FANCC: variants seen among roughly 807,000 people sequenced by gnomAD.
FANCC encodes the protein Fanconi anemia group C protein.
Under a neutral mutation model 71.3 loss-of-function variants are expected in FANCC, and 55 were observed. That is an observed-to-expected ratio of 0.77 (90% CI 0.62 to 0.97). FANCC has a LOEUF of 0.97. FANCC is among the 50% of genes least tolerant of loss of function. FANCC has a pLI of 0.00. For missense variants in FANCC, 678 were observed against 670.9 expected, an observed-to-expected ratio of 1.01 and a Z score of -0.12; for synonymous variants, 275 against 244.9, an observed-to-expected ratio of 1.12 and a Z score of -1.15.
intron 6 of FANCC, among the ~76,000 whole-genome samples, chr9:95,166,693 A>T (rs1831088256): frequency 6.6e-6 from 1 of 152,152 alleles, no homozygotes; most frequent in Non-Finnish European, 1.5e-5. Flanking sequence ...TCAAAAATAT[A>T]GTATTTGCAG....
In FANCC at chr9:95,258,499, C is replaced by A. The variant is rs138670263; in HGVS notation, c.-78-9130G>T. The stretch of plus-strand genomic sequence containing the variant: ...CGATAAAATGCAACATCCCTTCATG[C>A]TAAAAACTCTCAATAAACTAGGTAT... On this transcript the variant is annotated intron_variant, in intron 1 of 14. Transcript: ENST00000289081. Among the ~76,000 whole-genome samples, 459 of 152,220 alleles carry A rather than the reference C, an allele frequency of 3.0e-3. 2 individuals carry two copies. The highest frequency in any genetic ancestry group is 0.011 in the African/African-American group (439 of 41,526).
rs1398718466 is a variant in FANCC, at chr9:95,163,686, C to T, written c.521+7393G>A. ...CCAACACGGAGAAAGCCCATCTCTA[C>T]TAAAAATACAAAATCATCTGGGCAT... is the stretch of plus-strand genomic sequence containing the variant. On this transcript the variant is annotated intron_variant, in intron 6 of 14. Transcript: ENST00000289081. Among the ~76,000 whole-genome samples the T allele has an allele frequency of 5.9e-5, 9 of 152,286 alleles. No individual in the cohort carries two copies. The East Asian group carries it at 1.2e-3, about 20-fold the overall frequency.
At chr9:95,117,240 G>A in intron 11 of FANCC, 75 bp downstream of exon 11, 1 of 1,299,126 alleles carries the variant, frequency 7.7e-7, no homozygotes, top group Non-Finnish European at 1.1e-6. Context: ...ATAAGGGCCT[G>A]ATGAGGAGGT....
Position 95,196,570 on chromosome 9 carries a change from G to A in FANCC, c.346-24423C>T, listed in dbSNP as rs190599918. Among the ~76,000 whole-genome samples the A allele has an allele frequency of 3.9e-5, 6 of 152,142 alleles. No individual in the cohort carries two copies. The East Asian group carries it at 1.2e-3, about 29-fold the overall frequency. The stretch of plus-strand genomic sequence containing the variant: ...ACGACACTACACTTGCAAAACTGCT[G>A]GCAGAAATAATTTGAGATACCAAGA... On this transcript the variant is annotated intron_variant, in intron 4 of 14. Transcript: ENST00000289081.
chr9:95,232,782 T>G (rs938608827), intron 4 of FANCC, among the ~76,000 whole-genome samples: 4 of 152,222 alleles, frequency 2.6e-5, no homozygotes, highest in Admixed American at 2.6e-4. Flanking sequence ...TTTCTCTTGC[T>G]GTTTTTCTCA....
At chr9:95,132,039 T>C (rs966766960) in intron 8 of FANCC, among the ~76,000 whole-genome samples, 4 of 152,230 alleles carry the variant, frequency 2.6e-5, no homozygotes, top group Admixed American at 2.6e-4. Context: ...ATGAAGCATA[T>C]TCTGATATCA....
At chr9:95,163,806 G>A (rs1018150603) in intron 6 of FANCC, among the ~76,000 whole-genome samples, 5 of 152,228 alleles carry the variant, frequency 3.3e-5, no homozygotes, top group East Asian at 1.9e-4. Flanking sequence ...CCGAGATTGC[G>A]CCATCGCATG....
chr9:95,157,491 A>G (rs1056508775), intron 6 of FANCC, among the ~76,000 whole-genome samples: 2 of 152,154 alleles, frequency 1.3e-5, no homozygotes, highest in African/African-American at 2.4e-5. Context: ...CTGTAGCTCT[A>G]TGGTTTGGGG....
At chr9:95,112,105 G>A (rs1234601725) in intron 12 of FANCC, among the ~76,000 whole-genome samples, 1 of 152,250 alleles carries the variant, frequency 6.6e-6, no homozygotes, top group Non-Finnish European at 1.5e-5. Flanking sequence ...ATGAGCTGCT[G>A]TCATCATGGG....
At chr9:95,219,178 A>G (rs1829070732) in intron 4 of FANCC, among the ~76,000 whole-genome samples, 1 of 152,210 alleles carries the variant, frequency 6.6e-6, no homozygotes, top group African/African-American at 2.4e-5. Flanking sequence ...TAGTGCATGA[A>G]AACTGCAGGA....
chr9:95,268,228 T>C (rs1002068318), intron 1 of FANCC, among the ~76,000 whole-genome samples: 1 of 152,214 alleles, frequency 6.6e-6, no homozygotes, highest in African/African-American at 2.4e-5. Flanking sequence ...AATAGATAAC[T>C]CACTCTGGAT....
intron 6 of FANCC, among the ~76,000 whole-genome samples, chr9:95,161,739 T>C (rs1830757627): frequency 6.6e-6 from 1 of 152,186 alleles, no homozygotes; most frequent in Non-Finnish European, 1.5e-5. Context: ...AACTTTCATA[T>C]CTTGCAAAAC....
Position 95,208,316 on chromosome 9 carries a change from T to C in FANCC, c.345+32333A>G, listed in dbSNP as rs145992737. ...TTCTCCATGTTGGTCAGGCTGGTCT[T>C]GAACTCCTGACCTCAGGTGATCCGC... On this transcript the variant is annotated intron_variant, in intron 4 of 14. Transcript: ENST00000289081. Among the ~76,000 whole-genome samples the C allele has an allele frequency of 3.3e-3, 499 of 151,868 alleles. 9 individuals carry two copies. In the East Asian group the frequency reaches 0.043, roughly 13 times the overall value.
chr9:95,139,603 G>T (rs1274993637), intron 7 of FANCC, among the ~76,000 whole-genome samples: 3 of 151,970 alleles, frequency 2.0e-5, no homozygotes, highest in Non-Finnish European at 4.4e-5. Flanking sequence ...CCTGCGAGGG[G>T]TATTTAAGAC....
chr9:95,158,012 G>A (rs1014884139), intron 6 of FANCC, among the ~76,000 whole-genome samples: 15 of 152,050 alleles, frequency 9.9e-5, no homozygotes, highest in African/African-American at 2.9e-4. Context: ...GAAAAGTTGC[G>A]CTTAGAGATC....
intron 11 of FANCC, among the ~76,000 whole-genome samples, chr9:95,115,383 T>C (rs1352468811): frequency 6.6e-6 from 1 of 152,304 alleles, no homozygotes; most frequent in East Asian, 1.9e-4. Context: ...AATGTGTTGA[T>C]TTCAAAATAG....
intron 1 of FANCC, chr9:95,292,251 T>C (rs1352038315): frequency 5.4e-6 from 1 of 183,842 alleles, no homozygotes; most frequent in Non-Finnish European, 1.0e-5. Flanking sequence ...GATATCCACA[T>C]GCAGAAAAAC....
Position 95,198,397 on chromosome 9 carries a change from T to G in FANCC, c.346-26250A>C, listed in dbSNP as rs144580536. Among the ~76,000 whole-genome samples, 183 of 152,362 alleles carry G rather than the reference T, an allele frequency of 1.2e-3. 1 individual carries two copies. The highest frequency in any genetic ancestry group is 4.3e-3 in the African/African-American group (180 of 41,596). On this transcript the variant is annotated intron_variant, in intron 4 of 14. Transcript: ENST00000289081. ...ACTGTATCATCATGTATGTGGAACC[T>G]TCTTTTAGAGCCTAAAGCTGTTTTA...
At chr9:95,289,387 T>A (rs1833876294) in intron 1 of FANCC, among the ~76,000 whole-genome samples, 1 of 152,106 alleles carries the variant, frequency 6.6e-6, no homozygotes, top group Non-Finnish European at 1.5e-5. Flanking sequence ...GAGTAAGAAC[T>A]GAAAAACCAC....
Sources: gnomAD v4.1 joint callset for allele counts (sites outside exome capture counted in the v4.1 genomes callset) on GRCh38, gnomAD v4.1.1 for gene constraint, MANE v1.5 for transcripts, NCBI Gene and HGNC (gene_info 2026-07-23, HGNC 2026-07-21) for gene names.